The following SLC7A7 variants were observed in gnomAD, a reference collection of about 807,000 sequenced individuals.
The protein encoded by SLC7A7 is solute carrier family 7 member 7, also known as Y+L amino acid transporter 1.
SLC7A7 carries 39 observed loss-of-function variants against 47.9 expected under a neutral mutation model. The observed-to-expected ratio is 0.81, with a 90% CI of 0.63 to 1.06. The LOEUF is 1.06. SLC7A7 is among the 50% of genes least tolerant of loss of function. The probability of loss-of-function intolerance (pLI) is 0.00; values close to 1 mark genes in which losing one functional copy is unlikely to be tolerated. For missense variants in SLC7A7, 588 were observed against 632.0 expected (o/e 0.93, Z 0.75); for synonymous variants, 234 against 242.8 (o/e 0.96, Z 0.34).
At chr14:22,801,502 G>A (rs1231146924) in intron 2 of SLC7A7, among the ~76,000 whole-genome samples, 4 of 152,094 alleles carry the variant, frequency 2.6e-5, no homozygotes, top group Non-Finnish European at 4.4e-5. Context: ...CTGTATCAGA[G>A]GCCAGGCACG....
intron 4 of SLC7A7, among the ~76,000 whole-genome samples, chr14:22,778,371 T>C (rs2038655071): frequency 6.6e-6 from 1 of 152,086 alleles, no homozygotes; most frequent in Admixed American, 6.6e-5. Context: ...TATACCACAA[T>C]GTCAGTATGA....
chr14:22,776,404 C>T (rs1023267566), intron 4 of SLC7A7, 86 bp from the exon 5 acceptor site: 94 of 1,561,542 alleles, frequency 6.0e-5, no homozygotes, highest in Middle Eastern at 1.7e-4. Flanking sequence ...CCTGCCACAC[C>T]GGTCTTTCCA....
intron 3 of SLC7A7, 52 bp downstream of exon 3, chr14:22,779,874 G>A (rs2038684660): frequency 4.5e-6 from 7 of 1,540,840 alleles, no homozygotes; most frequent in South Asian, 1.1e-5. Context: ...GAGGAGTGCG[G>A]CTCACAGAAA....
intron 2 of SLC7A7, among the ~76,000 whole-genome samples, chr14:22,810,812 T>C (rs1423458721): frequency 1.3e-5 from 2 of 152,142 alleles, no homozygotes; most frequent in African/African-American, 4.8e-5. Flanking sequence ...ACCCTGTCTC[T>C]AATAAAAATA....
At chr14:22,787,350 C>T (rs879681415) in intron 2 of SLC7A7, among the ~76,000 whole-genome samples, 6 of 151,714 alleles carry the variant, frequency 4.0e-5, no homozygotes, top group Middle Eastern at 3.4e-3. Flanking sequence ...GCAGGAGAAT[C>T]GCTTGAACCC....
intron 1 of SLC7A7, 112 bp downstream of exon 1, chr14:22,815,208 G>C (rs2039387137): frequency 2.7e-6 from 1 of 373,060 alleles, no homozygotes; most frequent in Non-Finnish European, 5.4e-6. Flanking sequence ...GCAATGGAGA[G>C]ATGTTAGGGT....
intron 9 of SLC7A7, 50 bp from the exon 10 acceptor site, chr14:22,773,766 G>A: frequency 6.3e-7 from 1 of 1,587,668 alleles, no homozygotes; most frequent in African/African-American, 1.3e-5. Flanking sequence ...GCTGGGCTGA[G>A]TTCAAGTGTC....
At chr14:22,795,436 T>C in intron 2 of SLC7A7, among the ~76,000 whole-genome samples, 1 of 120,296 alleles carries the variant, frequency 8.3e-6, no homozygotes, top group East Asian at 2.5e-4. Context: ...CTTTCTTTCT[T>C]TCTTTCTTTT....
At chr14:22,788,653 A>G (rs373458725) in intron 2 of SLC7A7, among the ~76,000 whole-genome samples, 69 of 151,586 alleles carry the variant, frequency 4.6e-4, no homozygotes, top group South Asian at 4.2e-3. Context: ...GCAGTGAGCC[A>G]AGATCCTACC....
intron 2 of SLC7A7, among the ~76,000 whole-genome samples, chr14:22,784,213 C>A (rs1389772672): frequency 1.3e-5 from 2 of 152,218 alleles, no homozygotes; most frequent in Admixed American, 6.5e-5. Flanking sequence ...TCAATCCCCA[C>A]CCAACACTGG....
At chr14:22,793,252 G>T (rs4424818) in intron 2 of SLC7A7, among the ~76,000 whole-genome samples, 1 of 151,996 alleles carries the variant, frequency 6.6e-6, no homozygotes, top group Non-Finnish European at 1.5e-5. Context: ...CAACCAATTC[G>T]CTTACTCAGG....
At chr14:22,801,655 G>A (rs887565440) in intron 2 of SLC7A7, among the ~76,000 whole-genome samples, 1 of 152,134 alleles carries the variant, frequency 6.6e-6, no homozygotes, top group African/African-American at 2.4e-5. Context: ...GTGCATGCCT[G>A]TAGTCCCAGC....
intron 2 of SLC7A7, among the ~76,000 whole-genome samples, chr14:22,783,774 C>A (rs1054611182): frequency 6.6e-6 from 1 of 152,154 alleles, no homozygotes; most frequent in South Asian, 2.1e-4. Flanking sequence ...CCACCTCCCC[C>A]ACTCCTGAGC....
upstream of SLC7A7, among the ~76,000 whole-genome samples, chr14:22,819,328 C>G (rs1459242537): frequency 6.6e-6 from 1 of 151,682 alleles, no homozygotes; most frequent in East Asian, 1.9e-4. Context: ...TTCCCCATCA[C>G]TCCAAGCTAG....
In SLC7A7 at chr14:22,775,331, A is replaced by G. The variant is rs1031550554; in HGVS notation, c.1095+113T>C. The G allele has an allele frequency of 6.7e-6, 6 of 902,174 alleles. No homozygotes were observed. The African/African-American group carries it at 9.8e-5, about 15-fold the overall frequency. 55.9% of individuals were successfully genotyped at this position (902,174 alleles called of 1,614,324 possible). ...GTGGTGAACATTCTGATCCACCAAT[A>G]GTTTTTCTATTGGAATCTTTCAGAG... On this transcript the variant is annotated intron_variant, in intron 7 of 9. Transcript: ENST00000674313.
chr14:22,779,467 G>T (rs34308809), intron 3 of SLC7A7, among the ~76,000 whole-genome samples: 33,194 of 100,418 alleles, frequency 0.33, 3,890 homozygotes, highest in South Asian at 0.44. Context: ...TTTTTTTTTT[G>T]GGGGGGGGAC....
At chr14:22,819,253 A>G (rs1323199324), upstream of SLC7A7, among the ~76,000 whole-genome samples, 1 of 152,024 alleles carries the variant, frequency 6.6e-6, no homozygotes, top group Non-Finnish European at 1.5e-5. Context: ...CCTGGCTCCA[A>G]TCAGTCTGTG....
chr14:22,774,811 T>C lies in SLC7A7; in HGVS notation c.1096-308A>G, dbSNP rs77493736. ...TCCAACCTACAATAACCCGCTCTTA[T>C]CTCCTCCTACATGTTGAGTATCCCT... On this transcript the variant is annotated intron_variant, in intron 7 of 9. Transcript: ENST00000674313. Among the ~76,000 whole-genome samples the C allele has an allele frequency of 2.0e-3, 308 of 152,256 alleles. 1 individual carries two copies. The highest frequency in any genetic ancestry group is 3.4e-3 in the Non-Finnish European group (228 of 68,016).
chr14:22,807,061 C>G (rs1417848110), intron 2 of SLC7A7, among the ~76,000 whole-genome samples: 1 of 152,100 alleles, frequency 6.6e-6, no homozygotes, highest in Non-Finnish European at 1.5e-5. Context: ...CCATGCCCGG[C>G]TAATTTTTTC....
Sources: allele counts gnomAD v4.1 joint callset (sites outside exome capture counted in the v4.1 genomes callset), GRCh38; gene constraint gnomAD v4.1.1; transcripts MANE v1.5; gene names NCBI Gene and HGNC (gene_info 2026-07-23, HGNC 2026-07-21).